GFOD1: variants seen among roughly 807,000 people sequenced by gnomAD.
GFOD1 encodes Gfo/Idh/MocA-like oxidoreductase domain containing 1, also known as glucose-fructose oxidoreductase domain-containing protein 1.
Under a neutral mutation model 25.4 loss-of-function variants are expected in GFOD1, and 9 were observed. The observed-to-expected ratio is 0.35, with a 90% CI of 0.21 to 0.62. GFOD1 has a LOEUF of 0.62. Among genes scored for constraint, GFOD1 ranks in the 20% least tolerant of loss-of-function variants. GFOD1 has a pLI of 0.72. For synonymous variants in GFOD1, 253 were observed against 245.6 expected (o/e 1.03, Z -0.28); for missense variants, 403 against 556.9 (o/e 0.72, Z 2.78).
At chr6:13,427,518 G>T (rs1421812497) in intron 1 of GFOD1, among the ~76,000 whole-genome samples, 1 of 152,022 alleles carries the variant, frequency 6.6e-6, no homozygotes, top group East Asian at 1.9e-4. Context: ...CGGCATGGTG[G>T]TGTGCACCTC....
intron 1 of GFOD1, among the ~76,000 whole-genome samples, chr6:13,423,076 C>A: frequency 6.6e-6 from 1 of 152,110 alleles, no homozygotes; most frequent in East Asian, 1.9e-4. Flanking sequence ...CAGAGACACC[C>A]CCTTGCAGCT....
chr6:13,482,734 C>A (rs1021074907), intron 1 of GFOD1, among the ~76,000 whole-genome samples: 2 of 152,052 alleles, frequency 1.3e-5, no homozygotes, highest in Non-Finnish European at 2.9e-5. Flanking sequence ...GGCAACAGAG[C>A]GAGGCTCCGT....
chr6:13,365,878 C>CAATAATAATAAT lies in GFOD1; in HGVS notation c.254-228_254-217dup, dbSNP rs58256557. On this transcript the variant is annotated intron_variant, in intron 1 of 1. Coordinates refer to ENST00000379287, the MANE Select transcript of GFOD1 (RefSeq NM_018988.4). This position sits in a 1 kb window ranked among gnomAD's most constrained non-coding sequence, Gnocchi z 9.2. ...TGGGTAACACAGAGAGATCCTGTCT[C>CAATAATAATAAT]AATAATAATAATAATAATAATAATA... 5.2e-5 allele frequency among the ~76,000 whole-genome samples: 7 copies of CAATAATAATAAT among 133,912 alleles called. No individual in the cohort carries two copies. Among genetic ancestry groups the CAATAATAATAAT allele is most frequent in the African/African-American group, 1.4e-4 (5 of 36,024 alleles). The allele number at this position is 133,912 out of a possible 152,430, so 87.9% of individuals were successfully genotyped here. A position where few individuals can be genotyped will look rare whatever the true frequency, so the allele number is the denominator to read the frequency against.
At chr6:13,383,123 T>C (rs185850350) in intron 1 of GFOD1, among the ~76,000 whole-genome samples, 1 of 152,372 alleles carries the variant, frequency 6.6e-6, no homozygotes, top group Admixed American at 6.5e-5. Flanking sequence ...AGTGCTGCAA[T>C]GAACATATGC....
At chr6:13,437,431 G>A (rs1277692847) in intron 1 of GFOD1, among the ~76,000 whole-genome samples, 2 of 152,140 alleles carry the variant, frequency 1.3e-5, no homozygotes, top group Admixed American at 6.5e-5. Flanking sequence ...CTCTTTATCT[G>A]TGCTGTTCAA....
chr6:13,414,163 T>G (rs1786125601), intron 1 of GFOD1, among the ~76,000 whole-genome samples: 1 of 152,212 alleles, frequency 6.6e-6, no homozygotes, highest in Non-Finnish European at 1.5e-5. Flanking sequence ...TTAAACCACT[T>G]ATAAGTACCC....
At chr6:13,390,741 AAGAC>A (rs1785576343) in intron 1 of GFOD1, among the ~76,000 whole-genome samples, 1 of 125,704 alleles carries the variant, frequency 8.0e-6, no homozygotes, top group Admixed American at 8.6e-5. Context: ...AAAAGAAAGA[AAGAC>A]AGGAAGAGAG....
At chr6:13,434,381 C>T (rs1757799199) in intron 1 of GFOD1, among the ~76,000 whole-genome samples, 1 of 145,506 alleles carries the variant, frequency 6.9e-6, no homozygotes, top group Non-Finnish European at 1.5e-5. Context: ...GAATCAAGTG[C>T]ATGGCATTAT....
chr6:13,385,143 T>G (rs2127559624), intron 1 of GFOD1, among the ~76,000 whole-genome samples: 1 of 152,266 alleles, frequency 6.6e-6, no homozygotes, highest in East Asian at 1.9e-4. Flanking sequence ...GCAGATAACC[T>G]GGTTGCTTGG....
intron 1 of GFOD1, among the ~76,000 whole-genome samples, chr6:13,403,072 T>C (rs540673166): frequency 3.1e-4 from 47 of 151,820 alleles, no homozygotes; most frequent in African/African-American, 9.4e-4. Context: ...ACCTAAATGG[T>C]AGGGTTTTTT....
intron 1 of GFOD1, among the ~76,000 whole-genome samples, chr6:13,484,830 G>A (rs1047249578): frequency 6.6e-6 from 1 of 152,164 alleles, no homozygotes; most frequent in African/African-American, 2.4e-5. Flanking sequence ...TCTGAACCCA[G>A]GACAGGAACT....
At chr6:13,484,440 C>T (rs1758820889) in intron 1 of GFOD1, among the ~76,000 whole-genome samples, 1 of 152,054 alleles carries the variant, frequency 6.6e-6, no homozygotes, top group Non-Finnish European at 1.5e-5. Context: ...TAAAGCAAAC[C>T]AAGACGACCA....
intron 1 of GFOD1, among the ~76,000 whole-genome samples, chr6:13,473,750 C>A (rs1024332277): frequency 6.6e-6 from 1 of 152,132 alleles, no homozygotes; most frequent in Non-Finnish European, 1.5e-5. Flanking sequence ...CTCTTCTGGG[C>A]CCAGTTGAAG....
intron 1 of GFOD1, chr6:13,470,299 G>A (rs1243883904): frequency 1.3e-6 from 2 of 1,584,262 alleles, no homozygotes; most frequent in Admixed American, 1.7e-5. Context: ...GCTGTGGCTG[G>A]AGGCCCGCTG....
At chr6:13,405,026 T>A (rs907623762) in intron 1 of GFOD1, among the ~76,000 whole-genome samples, 2 of 152,192 alleles carry the variant, frequency 1.3e-5, no homozygotes, top group Admixed American at 6.5e-5. Context: ...TCACCTTACA[T>A]CAGTACCTGG....
chr6:13,427,031 A>G (rs151200974), intron 1 of GFOD1, among the ~76,000 whole-genome samples: 16 of 152,304 alleles, frequency 1.1e-4, no homozygotes, highest in African/African-American at 3.1e-4. Context: ...GTGGCAAAGC[A>G]TTTTTTGTAA....
At chr6:13,433,720 G>C (rs373989098) in intron 1 of GFOD1, among the ~76,000 whole-genome samples, 1 of 151,952 alleles carries the variant, frequency 6.6e-6, no homozygotes, top group Non-Finnish European at 1.5e-5. Flanking sequence ...GTGCACTGAA[G>C]AGAGAGACAT....
chr6:13,389,842 C>G (rs1032525462), intron 1 of GFOD1, among the ~76,000 whole-genome samples: 1 of 152,136 alleles, frequency 6.6e-6, no homozygotes, highest in Non-Finnish European at 1.5e-5. Flanking sequence ...CACACCCCTT[C>G]TGTTTAGAAC....
At chr6:13,390,214 C>G (rs923303602) in intron 1 of GFOD1, among the ~76,000 whole-genome samples, 34 of 152,320 alleles carry the variant, frequency 2.2e-4, no homozygotes, top group African/African-American at 7.9e-4. Flanking sequence ...ATATTGAGGT[C>G]CCAACTACTT....
Sources: gnomAD v4.1 joint callset for allele counts (sites outside exome capture counted in the v4.1 genomes callset) on GRCh38, gnomAD v4.1.1 for gene constraint, Gnocchi (gnomAD v3.1) non-coding constraint, MANE v1.5 for transcripts, NCBI Gene and HGNC (gene_info 2026-07-23, HGNC 2026-07-21) for gene names.